The following RTL9 variants were observed in gnomAD, a reference collection of about 807,000 sequenced individuals.
The protein encoded by RTL9 is retrotransposon Gag like 9.
In RTL9, 19 loss-of-function variants were observed where a neutral mutation model predicts 44.7. The ratio of observed to expected loss-of-function variants is 0.42; its 90% CI spans 0.30 to 0.62. RTL9 has a LOEUF of 0.62. Ranked by LOEUF, RTL9 falls within the 20% of genes least tolerant of loss-of-function variation. RTL9 has a pLI of 0.16. For missense variants in RTL9, 1,105 were observed against 1,080.6 expected, an observed-to-expected ratio of 1.02 and a Z score of -0.32; for synonymous variants, 407 against 398.9, an observed-to-expected ratio of 1.02 and a Z score of -0.24.
chrX:110,399,494 C>A (rs555240007), intron 1 of RTL9, among the ~76,000 whole-genome samples: 2 of 112,250 alleles, frequency 1.8e-5, no homozygotes, highest in African/African-American at 3.2e-5. Flanking sequence ...GTGAAAAAAT[C>A]ATTTTTGTTC....
intron 1 of RTL9, among the ~76,000 whole-genome samples, chrX:110,393,285 T>C (rs1286303040): frequency 2.7e-5 from 3 of 112,086 alleles, no homozygotes; most frequent in African/African-American, 9.7e-5. Flanking sequence ...ATTTACCTCA[T>C]AGTTGTTATG....
intron 1 of RTL9, among the ~76,000 whole-genome samples, chrX:110,388,616 G>A (rs2068474065): frequency 8.9e-6 from 1 of 112,298 alleles, no homozygotes; most frequent in South Asian, 3.7e-4. Flanking sequence ...CAGGCGTGAG[G>A]ATGCATCAAA....
chrX:110,417,060 A>C (rs2148316103), upstream of RTL9, among the ~76,000 whole-genome samples: 1 of 112,423 alleles, frequency 8.9e-6, no homozygotes, highest in East Asian at 2.8e-4. Context: ...CAGAGACTTC[A>C]GGATAGCCCC....
chrX:110,428,698 T>C (rs1261265796), intron 1 of RTL9, among the ~76,000 whole-genome samples: 1 of 110,860 alleles, frequency 9.0e-6, no homozygotes, highest in African/African-American at 3.3e-5. Flanking sequence ...GCAGGGCAAA[T>C]ATCAAAGTGG....
chrX:110,359,564 C>A (rs1246254506), intron 1 of RTL9, among the ~76,000 whole-genome samples: 6 of 111,629 alleles, frequency 5.4e-5, no homozygotes, highest in African/African-American at 2.0e-4. Context: ...AATCCAGATT[C>A]TCTGATTCTG....
intron 1 of RTL9, among the ~76,000 whole-genome samples, chrX:110,427,175 T>C (rs1471474769): frequency 8.9e-6 from 1 of 112,111 alleles, no homozygotes; most frequent in East Asian, 2.8e-4. Flanking sequence ...ATTCCTACAA[T>C]ACCTTCTGGT....
intron 1 of RTL9, among the ~76,000 whole-genome samples, chrX:110,427,865 A>G (rs2068765750): frequency 8.9e-6 from 1 of 111,880 alleles, no homozygotes; most frequent in Non-Finnish European, 1.9e-5. Context: ...ATTTGCACAC[A>G]TCATTCCCAC....
At chrX:110,440,414 G>C (rs923591892) in intron 1 of RTL9, among the ~76,000 whole-genome samples, 2 of 112,021 alleles carry the variant, frequency 1.8e-5, no homozygotes, top group African/African-American at 6.5e-5. Context: ...GATCTGGGTC[G>C]CTGTGGGTGT....
upstream of RTL9, among the ~76,000 whole-genome samples, chrX:110,447,490 C>T (rs780430139): frequency 5.7e-4 from 63 of 110,002 alleles, no homozygotes; most frequent in Middle Eastern, 4.7e-3. Context: ...AAGAGTACTC[C>T]GAGTTTCTAA....
chrX:110,411,984 T>C (rs753942050), intron 1 of RTL9, among the ~76,000 whole-genome samples: 23 of 112,565 alleles, frequency 2.0e-4, no homozygotes, highest in African/African-American at 7.1e-4. Flanking sequence ...TAATGAACAA[T>C]TCACTAGAAA....
chrX:110,450,766 T>C (rs1227932332), exon 1 of RTL9: 1 of 1,211,868 alleles, frequency 8.3e-7, no homozygotes, highest in South Asian at 1.8e-5. Context: ...CAGTTGCCTA[T>C]AGTCTCAACT....
intron 1 of RTL9, among the ~76,000 whole-genome samples, chrX:110,378,455 G>A (rs2068394596): frequency 9.0e-6 from 1 of 111,177 alleles, no homozygotes; most frequent in African/African-American, 3.3e-5. Context: ...ACAGCTTTTG[G>A]CAAAAGATCC....
chrX:110,415,317 C>T (rs2068669405), upstream of RTL9, among the ~76,000 whole-genome samples: 1 of 112,372 alleles, frequency 8.9e-6, no homozygotes, highest in African/African-American at 3.2e-5. Flanking sequence ...GCAGTTTTTC[C>T]CTATGACTAC....
intron 1 of RTL9, among the ~76,000 whole-genome samples, chrX:110,388,091 T>C (rs1470897309): frequency 1.8e-5 from 2 of 110,744 alleles, no homozygotes; most frequent in African/African-American, 6.6e-5. Context: ...ATGGTCTCGA[T>C]CTCCTGACCT....
intron 1 of RTL9, among the ~76,000 whole-genome samples, chrX:110,440,526 G>T (rs1044545459): frequency 2.7e-5 from 3 of 111,832 alleles, no homozygotes; most frequent in Admixed American, 9.4e-5. Flanking sequence ...TTTCCAACTT[G>T]CTGAAGTTGG....
upstream of RTL9, among the ~76,000 whole-genome samples, chrX:110,445,829 G>A (rs1409875541): frequency 8.9e-6 from 1 of 111,829 alleles, no homozygotes; most frequent in African/African-American, 3.3e-5. Context: ...TGGGTGGGAC[G>A]TGAGGGACCT....
At chrX:110,423,394 GAGA>G (rs1222619746) in intron 1 of RTL9, among the ~76,000 whole-genome samples, 50 of 110,498 alleles carry the variant, frequency 4.5e-4, no homozygotes, top group African/African-American at 1.5e-3. Context: ...AGGAGAAGGA[GAGA>G]AGAAGAAGGA....
chrX:110,376,349 A>G lies in RTL9; in HGVS notation c.-168+17433A>G, dbSNP rs755172012. On this transcript the variant is annotated intron_variant, in intron 1 of 2. Coordinates refer to the RTL9 transcript ENST00000520821. ...TGGTCTTGGCTGGTAGTTTGCAAGC[A>G]GAAGTTAGCCTGCCTCCAGACAGGG... Among the ~76,000 whole-genome samples, 4 of 111,091 alleles carry G rather than the reference A, an allele frequency of 3.6e-5. No individual in the cohort carries two copies. In the South Asian group the frequency reaches 1.6e-3, roughly 43 times the overall value.
chrX:110,411,579 T>C (rs188654361), intron 1 of RTL9, among the ~76,000 whole-genome samples: 133 of 111,809 alleles, frequency 1.2e-3, no homozygotes, highest in African/African-American at 4.0e-3. Context: ...GTAGAATCTA[T>C]GAAGAAAAAG....
Sources: allele counts gnomAD v4.1 joint callset (sites outside exome capture counted in the v4.1 genomes callset), GRCh38; gene constraint gnomAD v4.1.1; transcripts MANE v1.5; gene names NCBI Gene and HGNC (gene_info 2026-07-23, HGNC 2026-07-21).